The following SAMSN1 variants were observed in gnomAD, a reference collection of about 807,000 sequenced individuals.
SAMSN1 encodes SAM domain-containing protein SAMSN-1.
A neutral mutation model predicts 42.0 loss-of-function variants in SAMSN1; 31 were observed. That is an observed-to-expected ratio of 0.74 (90% confidence interval 0.55 to 1.00). The LOEUF (loss-of-function observed/expected upper bound fraction) is 1.00, where lower values mean the gene tolerates loss of function less well. SAMSN1 is among the 50% of genes least tolerant of loss of function. SAMSN1 has a pLI of 0.00. For missense variants in SAMSN1, 464 were observed against 439.4 expected (o/e 1.06, Z -0.50); for synonymous variants, 178 against 151.9 (o/e 1.17, Z -1.26).
chr21:14,580,845 C>T (rs1292664383), intron 2 of SAMSN1, among the ~76,000 whole-genome samples: 1 of 152,122 alleles, frequency 6.6e-6, no homozygotes, highest in African/African-American at 2.4e-5. Flanking sequence ...AGAGAGTAGG[C>T]TCCCTGGATA....
chr21:14,613,607 T>G (rs998190078), intron 3 of SAMSN1, among the ~76,000 whole-genome samples: 1 of 152,224 alleles, frequency 6.6e-6, no homozygotes, highest in Non-Finnish European at 1.5e-5. Context: ...GTTTCCTTTT[T>G]GTTAATTTTT....
In SAMSN1 at chr21:14,648,614, T is replaced by C. The variant is rs570289456; in HGVS notation, c.25-5481A>G. 4.6e-5 allele frequency among the ~76,000 whole-genome samples: 7 copies of C among 152,042 alleles called. No homozygotes were observed. In the East Asian group the frequency reaches 7.7e-4, roughly 17 times the overall value. ...CCCATCAAAAAGTGGGCAAAGGATA[T>C]GAACAGACACTTCTCAAAAGAAGAC... On this transcript the variant is annotated intron_variant, in intron 1 of 15. Coordinates refer to the SAMSN1 transcript ENST00000647101.
At chr21:14,577,270 ATATATATATATATATT>A (rs1247715594) in intron 2 of SAMSN1, among the ~76,000 whole-genome samples, 18 of 49,384 alleles carry the variant, frequency 3.6e-4, no homozygotes, top group East Asian at 2.0e-3. Flanking sequence ...ATATATATAT[ATATATATATATATATT>A]TTTTTTTTAG....
intron 6 of SAMSN1, among the ~76,000 whole-genome samples, chr21:14,597,295 A>C (rs1011535340): frequency 6.6e-6 from 1 of 152,084 alleles, no homozygotes; most frequent in Non-Finnish European, 1.5e-5. Context: ...GCTCATGAAA[A>C]ATTGGTCCCA....
chr21:14,517,588 T>C (rs577771036), intron 2 of SAMSN1, among the ~76,000 whole-genome samples: 5 of 152,260 alleles, frequency 3.3e-5, no homozygotes, highest in Admixed American at 1.3e-4. Flanking sequence ...AGTGTGCACA[T>C]TTCCCATATT....
chr21:14,615,460 A>T (rs1311264812), intron 3 of SAMSN1, among the ~76,000 whole-genome samples: 2 of 152,154 alleles, frequency 1.3e-5, no homozygotes, highest in African/African-American at 2.4e-5. Context: ...TCGGCAACCA[A>T]TCTGAAAATT....
intron 5 of SAMSN1, among the ~76,000 whole-genome samples, chr21:14,509,127 CAAAAGAAAAGAAAAAAG>C (rs1370343062): frequency 2.2e-5 from 3 of 138,156 alleles, no homozygotes; most frequent in Non-Finnish European, 3.2e-5. Context: ...AAGAAAAAAA[CAAAAGAAAAGAAAAAAG>C]AAAAGAAAAG....
chr21:14,506,684 A>C (rs541808473), intron 5 of SAMSN1, among the ~76,000 whole-genome samples: 10 of 152,268 alleles, frequency 6.6e-5, no homozygotes, highest in African/African-American at 2.4e-4. Context: ...CCCTCCCTAC[A>C]TCATTCTATG....
intron 5 of SAMSN1, among the ~76,000 whole-genome samples, chr21:14,503,478 G>T (rs1385490027): frequency 6.6e-6 from 1 of 152,190 alleles, no homozygotes; most frequent in Non-Finnish European, 1.5e-5. Flanking sequence ...TTAGAATTCA[G>T]TTGAGCCCAT....
intron 1 of SAMSN1, among the ~76,000 whole-genome samples, chr21:14,650,385 T>C (rs577428699): frequency 6.6e-6 from 1 of 152,066 alleles, no homozygotes; most frequent in Non-Finnish European, 1.5e-5. Context: ...AGAATAGGAA[T>C]TTTGGAAACT....
chr21:14,580,752 A>AT (rs1443898858), intron 2 of SAMSN1, among the ~76,000 whole-genome samples: 1 of 152,228 alleles, frequency 6.6e-6, no homozygotes, highest in African/African-American at 2.4e-5. Context: ...TCCAAGAGAA[A>AT]ATATGCCTTT....
At chr21:14,595,595 A>C (rs561883039) in intron 6 of SAMSN1, among the ~76,000 whole-genome samples, 1 of 152,278 alleles carries the variant, frequency 6.6e-6, no homozygotes, top group African/African-American at 2.4e-5. Context: ...ATGCTCCTTT[A>C]TTTAAATATT....
chr21:14,573,369 T>C (rs1298711473), intron 2 of SAMSN1, among the ~76,000 whole-genome samples: 2 of 152,150 alleles, frequency 1.3e-5, no homozygotes, highest in East Asian at 1.9e-4. Context: ...AGAATGAAAA[T>C]GGAAATTCTT....
intron 4 of SAMSN1, chr21:14,612,839 T>C: frequency 1.4e-6 from 1 of 694,338 alleles, no homozygotes; most frequent in East Asian, 2.7e-5. Context: ...GGAGACAGAA[T>C]ACATCGTTTA....
chr21:14,581,765 G>A (rs1981739289), intron 2 of SAMSN1, among the ~76,000 whole-genome samples: 1 of 151,996 alleles, frequency 6.6e-6, no homozygotes, highest in African/African-American at 2.4e-5. Context: ...TAGGAAAATG[G>A]CAGGCCCAAA....
At chr21:14,602,017 C>A in intron 6 of SAMSN1, 1 of 686,346 alleles carries the variant, frequency 1.5e-6, no homozygotes, top group Non-Finnish European at 2.7e-6. Context: ...TGATTATTCA[C>A]ATTACCTGAT....
At chr21:14,603,343 C>T (rs1208417348) in intron 5 of SAMSN1, among the ~76,000 whole-genome samples, 1 of 152,124 alleles carries the variant, frequency 6.6e-6, no homozygotes, top group Non-Finnish European at 1.5e-5. Flanking sequence ...AAATAAGATA[C>T]GAATATGTGC....
intron 1 of SAMSN1, among the ~76,000 whole-genome samples, chr21:14,540,935 G>C (rs943924608): frequency 2.0e-5 from 3 of 152,152 alleles, no homozygotes; most frequent in Non-Finnish European, 4.4e-5. Context: ...CATACACCAT[G>C]GAATACCATG....
At chr21:14,604,622 A>G (rs576993407) in intron 5 of SAMSN1, among the ~76,000 whole-genome samples, 1 of 152,344 alleles carries the variant, frequency 6.6e-6, no homozygotes, top group Admixed American at 6.5e-5. Context: ...TGGGATGTTC[A>G]TTCCTTGATG....
Sources: gnomAD v4.1 joint callset for allele counts (sites outside exome capture counted in the v4.1 genomes callset) on GRCh38, gnomAD v4.1.1 for gene constraint, MANE v1.5 for transcripts, NCBI Gene and HGNC (gene_info 2026-07-23, HGNC 2026-07-21) for gene names.